The following STK39 variants were observed in gnomAD, a reference collection of about 807,000 sequenced individuals.
STK39 encodes STE20/SPS1-related proline-alanine-rich protein kinase.
A neutral mutation model predicts 77.8 loss-of-function variants in STK39; 20 were observed. The ratio of observed to expected loss-of-function variants is 0.26; its 90% confidence interval spans 0.18 to 0.37. The LOEUF is 0.37. STK39 is among the 10% of genes least tolerant of loss of function. STK39 has a pLI of 1.00. For missense variants in STK39, 479 were observed against 656.5 expected (o/e 0.73, Z 2.95); for synonymous variants, 246 against 234.1 (o/e 1.05, Z -0.47).
intron 14 of STK39, among the ~76,000 whole-genome samples, chr2:168,056,784 G>C (rs373226770): frequency 6.6e-6 from 1 of 152,322 alleles, no homozygotes; most frequent in African/African-American, 2.4e-5. Flanking sequence ...AGGTGCAAAA[G>C]AGGGCATGGA....
chr2:168,014,407 T>C (rs1684354871), intron 15 of STK39, among the ~76,000 whole-genome samples: 1 of 151,774 alleles, frequency 6.6e-6, no homozygotes, highest in Non-Finnish European at 1.5e-5. Context: ...CACTTGAGCC[T>C]GGGAGGTCGA....
chr2:168,170,918 GCAAA>G (rs774973753), intron 2 of STK39, among the ~76,000 whole-genome samples: 8 of 152,148 alleles, frequency 5.3e-5, no homozygotes, highest in Admixed American at 1.3e-4. Flanking sequence ...AGAAACGCAA[GCAAA>G]CAAACAAACA....
chr2:168,241,097 A>G (rs1690746940), intron 1 of STK39, among the ~76,000 whole-genome samples: 1 of 152,220 alleles, frequency 6.6e-6, no homozygotes, highest in South Asian at 2.1e-4. Flanking sequence ...GAGATAACCG[A>G]GTAGCCAGAG....
chr2:168,170,663 G>A (rs1688800785), intron 2 of STK39, among the ~76,000 whole-genome samples: 1 of 152,190 alleles, frequency 6.6e-6, no homozygotes, highest in South Asian at 2.1e-4. Flanking sequence ...TTTGAAAGAA[G>A]GCAGAGAGGA....
chr2:168,226,037 G>A (rs781553451), intron 1 of STK39, among the ~76,000 whole-genome samples: 15 of 152,212 alleles, frequency 9.9e-5, no homozygotes, highest in Non-Finnish European at 2.1e-4. Flanking sequence ...GCCATAAGGA[G>A]CTATGAGTGA....
In STK39 at chr2:168,075,016, A is replaced by G; in HGVS notation, c.1213-5T>C. The G allele has an allele frequency of 6.2e-7, 1 of 1,613,972 alleles. No homozygotes were observed. Among genetic ancestry groups the G allele is most frequent in the Non-Finnish European group, 8.5e-7 (1 of 1,179,996 alleles). On this transcript the variant is annotated splice_polypyrimidine_tract_variant and splice_region_variant and intron_variant, in intron 11 of 17. Transcript: ENST00000355999. ...TTCTTCTTTTACTCTTCGTGACTGT[A>G]AAACAATTATGTATCCATTAATATA... is the stretch of plus-strand genomic sequence containing the variant.
chr2:168,063,380 G>C, intron 14 of STK39, 120 bp downstream of exon 14: 2 of 863,232 alleles, frequency 2.3e-6, no homozygotes. Flanking sequence ...CTCATGGTTC[G>C]GGGAAATCAA....
At chr2:168,182,163 A>G in intron 1 of STK39, 73 bp from the exon 2 acceptor site, 1 of 1,295,322 alleles carries the variant, frequency 7.7e-7, no homozygotes, top group South Asian at 1.2e-5. Flanking sequence ...CTATTTTCCT[A>G]AAGATCAATT....
At chr2:168,207,968 G>T (rs768911252) in intron 1 of STK39, among the ~76,000 whole-genome samples, 13 of 152,124 alleles carry the variant, frequency 8.5e-5, no homozygotes, top group Non-Finnish European at 1.3e-4. Flanking sequence ...AGTGGGAAAG[G>T]CAAGATCAGA....
intron 2 of STK39, among the ~76,000 whole-genome samples, chr2:168,169,107 T>C (rs772886075): frequency 6.6e-5 from 10 of 152,236 alleles, no homozygotes. Context: ...ATTCCCCTCA[T>C]CCATTTGACT....
At position 168,006,483 on chromosome 2, in the gene STK39, C is replaced by T. The variant is rs1020977977; in HGVS notation, c.1498+6151G>A. Among the ~76,000 whole-genome samples, 4 of 152,076 alleles carry T rather than the reference C, an allele frequency of 2.6e-5. No homozygotes were observed. The East Asian group carries it at 7.7e-4, about 29-fold the overall frequency. On this transcript the variant is annotated intron_variant, in intron 16 of 17. Transcript: ENST00000355999. ...GCAGAGAAAACTTATTTCTTGCCGG[C>T]TGTTTTTTCACCAGAAAGCAAAGGA...
chr2:167,976,492 G>C (rs563462354), intron 16 of STK39, among the ~76,000 whole-genome samples: 7 of 152,250 alleles, frequency 4.6e-5, no homozygotes, highest in East Asian at 3.9e-4. Flanking sequence ...ACCAGGCTAG[G>C]GGGAGAAGAG....
chr2:168,225,275 TGG>T (rs1690275065), intron 1 of STK39, among the ~76,000 whole-genome samples: 4 of 112,842 alleles, frequency 3.5e-5, no homozygotes, highest in Admixed American at 3.4e-4. Flanking sequence ...TCAATATCCA[TGG>T]AGAAGATACT....
At chr2:168,000,777 C>T (rs1316502103) in intron 16 of STK39, among the ~76,000 whole-genome samples, 1 of 152,160 alleles carries the variant, frequency 6.6e-6, no homozygotes, top group African/African-American at 2.4e-5. Context: ...AGAAATGAGC[C>T]ATGAACGTGA....
chr2:168,200,070 C>A (rs867987468), intron 1 of STK39, among the ~76,000 whole-genome samples: 1 of 152,132 alleles, frequency 6.6e-6, no homozygotes, highest in Non-Finnish European at 1.5e-5. Flanking sequence ...CCAGAACGAC[C>A]AAATAGGGCC....
chr2:168,169,510 T>C (rs1000092355), intron 2 of STK39, among the ~76,000 whole-genome samples: 3 of 152,160 alleles, frequency 2.0e-5, no homozygotes, highest in Non-Finnish European at 2.9e-5. Context: ...CAAAAGGAAA[T>C]TCTTTTACAT....
chr2:167,985,316 G>A (rs1683529881), intron 16 of STK39, among the ~76,000 whole-genome samples: 1 of 152,162 alleles, frequency 6.6e-6, no homozygotes, highest in Non-Finnish European at 1.5e-5. Flanking sequence ...TTCTTCAGGG[G>A]AAGAACTTCT....
In STK39 at chr2:168,200,684, A is replaced by AAAAATAAAAT. The variant is rs57515359; in HGVS notation, c.209-18604_209-18595dup. 1.1e-3 allele frequency among the ~76,000 whole-genome samples: 163 copies of AAAAATAAAAT among 150,174 alleles called. 2 individuals carry two copies. Among genetic ancestry groups the AAAAATAAAAT allele is most frequent in the African/African-American group, 3.8e-3 (154 of 40,664 alleles). On this transcript the variant is annotated intron_variant, in intron 1 of 17. Transcript: ENST00000355999. Reference sequence around the variant, plus strand: ...AGAGCAAGACTCTGTCTCAAAACATAAAAATAAAATAAAATAAAATAAAAT... The same window carrying AAAAATAAAAT: ...AGAGCAAGACTCTGTCTCAAAACATAAAAATAAAATAAAATAAAATAAAATAAAATAAAAT...
At chr2:167,988,250 C>T (rs1225107945) in intron 16 of STK39, among the ~76,000 whole-genome samples, 3 of 152,194 alleles carry the variant, frequency 2.0e-5, no homozygotes, top group African/African-American at 7.2e-5. Context: ...TATCAGACAG[C>T]AGGGGCCAGT....
Sources: gnomAD v4.1 joint callset for allele counts (sites outside exome capture counted in the v4.1 genomes callset) on GRCh38, gnomAD v4.1.1 for gene constraint, MANE v1.5 for transcripts, NCBI Gene and HGNC (gene_info 2026-07-23, HGNC 2026-07-21) for gene names.